DIDO1: variants seen among roughly 807,000 people sequenced by gnomAD.
The protein encoded by DIDO1 is death inducer-obliterator 1, also known as death-inducer obliterator 1.
A neutral mutation model predicts 99.4 loss-of-function variants in DIDO1; 16 were observed. The ratio of observed to expected loss-of-function variants is 0.16; its 90% confidence interval spans 0.11 to 0.24. The LOEUF is 0.24. Among genes scored for constraint, DIDO1 ranks in the 10% least tolerant of loss-of-function variants. DIDO1 has a pLI of 1.00. For missense variants in DIDO1, 2,996 were observed against 3,014.0 expected (o/e 0.99, Z 0.14); for synonymous variants, 1,366 against 1,239.1 (o/e 1.10, Z -2.15).
At chr20:62,936,832 C>T (rs1160477875) in intron 1 of DIDO1, among the ~76,000 whole-genome samples, 1 of 152,218 alleles carries the variant, frequency 6.6e-6, no homozygotes, top group African/African-American at 2.4e-5. Context: ...CCACTGCGCT[C>T]CAGCCTGGGC....
chr20:62,892,665 A>G, intron 13 of DIDO1, 144 bp downstream of exon 13: 5 of 1,188,676 alleles, frequency 4.2e-6, no homozygotes, highest in Non-Finnish European at 5.7e-6. Flanking sequence ...CCGTTTCTGC[A>G]TCCAGACAGA....
At chr20:62,900,032 A>G (rs1258518077) in intron 6 of DIDO1, among the ~76,000 whole-genome samples, 3 of 152,236 alleles carry the variant, frequency 2.0e-5, no homozygotes, top group Non-Finnish European at 4.4e-5. Flanking sequence ...GGCAAGCAGC[A>G]ACTCCAGGCA....
Position 62,878,316 on chromosome 20 carries a change from T to C in DIDO1, c.*917A>G, listed in dbSNP as rs965188455. 1 of 152,246 alleles carries C rather than the reference T, an allele frequency of 6.6e-6. No homozygotes were observed. Among genetic ancestry groups the C allele is most frequent in the African/African-American group, 2.4e-5 (1 of 41,464 alleles). The allele number at this position is 152,246 out of a possible 1,614,324, so 9.4% of individuals were successfully genotyped here. ...GTCTCATTTGCAGTTCTTGAGCTAG[T>C]GATCACTAGTTCCCGTCTCAGACTT... On this transcript the variant is annotated 3_prime_UTR_variant, in exon 16 of 16. Coordinates refer to ENST00000395343, the MANE Select transcript of DIDO1 (RefSeq NM_001193369.2).
At chr20:62,926,217 G>A (rs1336458370) in intron 1 of DIDO1, among the ~76,000 whole-genome samples, 1 of 151,576 alleles carries the variant, frequency 6.6e-6, no homozygotes, top group Admixed American at 6.6e-5. Flanking sequence ...TCTGAGGCCC[G>A]CGCCCCAGGC....
chr20:62,897,023 T>A (rs1237605970), intron 6 of DIDO1, 27 bp from the exon 7 acceptor site: 1 of 1,584,640 alleles, frequency 6.3e-7, no homozygotes, highest in Non-Finnish European at 8.6e-7. Context: ...AGGCGCTGAG[T>A]AAGGGAGGAC....
At chr20:62,890,923 GGT>G in intron 15 of DIDO1, 35 bp downstream of exon 15, 1 of 1,612,540 alleles carries the variant, frequency 6.2e-7, no homozygotes, top group Non-Finnish European at 8.5e-7. Context: ...TGCAGGTGCA[GGT>G]GGGCCTCACC....
upstream of DIDO1, among the ~76,000 whole-genome samples, chr20:62,928,019 C>A (rs1648207535): frequency 6.6e-6 from 1 of 152,148 alleles, no homozygotes; most frequent in African/African-American, 2.4e-5. Flanking sequence ...GGAGGGCTCA[C>A]ATGCTGAGGC....
At position 62,907,343 on chromosome 20, in the gene DIDO1, C is replaced by CCAGGCGCCTCTATCA; in HGVS notation, c.1163_1177dup (p.Val388_Pro392dup). 2 of 1,614,020 alleles carry CCAGGCGCCTCTATCA rather than the reference C, an allele frequency of 1.2e-6. No individual in the cohort carries two copies. Among genetic ancestry groups the CCAGGCGCCTCTATCA allele is most frequent in the Non-Finnish European group, 8.5e-7 (1 of 1,180,034 alleles). On this transcript the variant is annotated inframe_insertion, in exon 5 of 16. Coordinates refer to ENST00000395343, the MANE Select transcript of DIDO1 (RefSeq NM_001193369.2). ...CCCGGGGCCAATACATTTTGAGGCACCAGGCGCCTCTATCACCTGCAGAAC... is the reference window on the plus strand; with the variant it reads ...CCCGGGGCCAATACATTTTGAGGCACCAGGCGCCTCTATCACAGGCGCCTCTATCACCTGCAGAAC...
rs763324231 is a variant in DIDO1, at chr20:62,880,617, G to A, written c.5339C>T (p.Pro1780Leu). 3 of 1,612,920 alleles carry A rather than the reference G, an allele frequency of 1.9e-6. No individual in the cohort carries two copies. Among genetic ancestry groups the A allele is most frequent in the Non-Finnish European group, 2.5e-6 (3 of 1,180,022 alleles). ...NFPGPRGPAP[P>L]FPEENIASND... ...AGAAGCGATATTCTCTTCTGGAAACGGAGGGGCTGGCCCCCTTGGTCCCGG... is the reference window on the plus strand; with the variant it reads ...AGAAGCGATATTCTCTTCTGGAAACAGAGGGGCTGGCCCCCTTGGTCCCGG... Residue 1780 changes from proline to leucine, a missense_variant, in exon 16 of 16, where the codon CCG (proline) becomes CTG (leucine). Physicochemically the swap from Pro to Leu is moderately conservative, Grantham distance 98. Coordinates refer to ENST00000395343, the MANE Select transcript of DIDO1 (RefSeq NM_001193369.2).
At chr20:62,900,976 AC>A (rs2064660213) in intron 6 of DIDO1, among the ~76,000 whole-genome samples, 1 of 152,216 alleles carries the variant, frequency 6.6e-6, no homozygotes, top group Admixed American at 6.5e-5. Flanking sequence ...TTCCTGCTTT[AC>A]CTGTTTCTTC....
At chr20:62,898,682 CCT>C (rs1228975667) in intron 6 of DIDO1, among the ~76,000 whole-genome samples, 9 of 152,224 alleles carry the variant, frequency 5.9e-5, no homozygotes, top group Non-Finnish European at 1.3e-4. Flanking sequence ...ACTGCCAAGC[CCT>C]GTCTCCTCAC....
At chr20:62,905,003 G>C (rs2064769743) in intron 6 of DIDO1, 2 of 988,476 alleles carry the variant, frequency 2.0e-6, no homozygotes, top group South Asian at 4.6e-5. Flanking sequence ...AGGCATTAAA[G>C]ACTGAATTGA....
At position 62,894,680 on chromosome 20, in the gene DIDO1, G is replaced by A; in HGVS notation, c.2436+130C>T. The stretch of plus-strand genomic sequence containing the variant: ...AGAAAAAAGGACCATCTAATACAAG[G>A]ACTGAGGAATGCCACAATGACATAC... On this transcript the variant is annotated intron_variant, in intron 10 of 15. Coordinates refer to ENST00000395343, the MANE Select transcript of DIDO1 (RefSeq NM_001193369.2). The surrounding 1 kb of genome is among the most constrained non-coding windows in gnomAD (Gnocchi z 4.4). The A allele has an allele frequency of 7.1e-7, 1 of 1,409,330 alleles. No individual in the cohort carries two copies. The highest frequency in any genetic ancestry group is 9.6e-7 in the Non-Finnish European group (1 of 1,046,470). The allele number at this position is 1,409,330 out of a possible 1,614,324, so 87.3% of individuals were successfully genotyped here.
In DIDO1 at chr20:62,879,752, G is replaced by C; in HGVS notation, c.6204C>G (p.Ala2068=). 2 of 1,611,696 alleles carry C rather than the reference G, an allele frequency of 1.2e-6. No individual in the cohort carries two copies. The highest frequency in any genetic ancestry group is 1.1e-5 in the South Asian group (1 of 91,084). Residue 2068 remains alanine, a synonymous_variant, in exon 16 of 16, where the codon GCC becomes GCG. Transcript: ENST00000395343. The surrounding 1 kb of genome is among the most constrained non-coding windows in gnomAD (Gnocchi z 6.3). ...CGTGGCCTTTCCCCTCTCGGAAGTC[G>C]GCCGATGCCCACTGTCCGTCGGCCT... is the stretch of plus-strand genomic sequence containing the variant. ...GPEADGQWAS[A]DFREGKGHEY...
At chr20:62,886,917 C>T (rs1446928509) in intron 15 of DIDO1, among the ~76,000 whole-genome samples, 1 of 152,248 alleles carries the variant, frequency 6.6e-6, no homozygotes, top group Non-Finnish European at 1.5e-5. Context: ...CCCACTCACA[C>T]ACACACAGAC....
At chr20:62,903,859 G>A (rs2064740342) in intron 6 of DIDO1, among the ~76,000 whole-genome samples, 1 of 152,182 alleles carries the variant, frequency 6.6e-6, no homozygotes, top group Admixed American at 6.5e-5. Context: ...TGGCAAAGAA[G>A]GGAAGAGGGA....
chr20:62,882,873 T>C (rs1479351832), intron 15 of DIDO1, among the ~76,000 whole-genome samples: 1 of 151,278 alleles, frequency 6.6e-6, no homozygotes, highest in African/African-American at 2.4e-5. Context: ...TCAGCTATGC[T>C]CTTCTTCCCC....
chr20:62,903,089 ACAT>A (rs2064719564), intron 6 of DIDO1, among the ~76,000 whole-genome samples: 1 of 152,236 alleles, frequency 6.6e-6, no homozygotes, highest in African/African-American at 2.4e-5. Context: ...CACAAAAGAA[ACAT>A]CATGATCTTT....
intron 6 of DIDO1, among the ~76,000 whole-genome samples, chr20:62,903,367 G>A (rs1484739536): frequency 6.6e-6 from 1 of 152,214 alleles, no homozygotes; most frequent in African/African-American, 2.4e-5. Flanking sequence ...AGCAGCGGTA[G>A]CTCCACCACG....
Sources: gnomAD v4.1 joint callset for allele counts (sites outside exome capture counted in the v4.1 genomes callset) on GRCh38, gnomAD v4.1.1 for gene constraint, Gnocchi (gnomAD v3.1) non-coding constraint, MANE v1.5 for transcripts, NCBI Gene and HGNC (gene_info 2026-07-23, HGNC 2026-07-21) for gene names.